CAPS2: variants seen among roughly 807,000 people sequenced by gnomAD.
The protein encoded by CAPS2 is calcyphosine 2.
Under a neutral mutation model 86.5 loss-of-function variants are expected in CAPS2, and 98 were observed. That is an observed-to-expected ratio of 1.13 (90% CI 0.96 to 1.34). The LOEUF (loss-of-function observed/expected upper bound fraction) is 1.34. Ranked by LOEUF, CAPS2 falls within the 40% of genes most tolerant of loss-of-function variation. CAPS2 has a pLI of 0.00. For missense variants in CAPS2, 729 were observed against 686.8 expected, an observed-to-expected ratio of 1.06 and a Z score of -0.69; for synonymous variants, 210 against 225.1, an observed-to-expected ratio of 0.93 and a Z score of 0.60.
chr12:75,370,619 T>C (rs2044300757), intron 1 of CAPS2: 1 of 152,444 alleles, frequency 6.6e-6, no homozygotes, highest in African/African-American at 2.4e-5. Context: ...CCATAATCAA[T>C]GGTTGGGGAA....
intron 4 of CAPS2, among the ~76,000 whole-genome samples, chr12:75,322,008 T>C (rs2040352611): frequency 6.6e-6 from 1 of 152,174 alleles, no homozygotes; most frequent in Non-Finnish European, 1.5e-5. Flanking sequence ...TATCAATATA[T>C]TCTATCTATT....
chr12:75,366,104 C>G (rs976782041), intron 1 of CAPS2, among the ~76,000 whole-genome samples: 1 of 152,040 alleles, frequency 6.6e-6, no homozygotes, highest in Non-Finnish European at 1.5e-5. Flanking sequence ...TTATTTAAGT[C>G]ATGTGAACTT....
intron 7 of CAPS2, among the ~76,000 whole-genome samples, chr12:75,307,750 A>G (rs1287373134): frequency 6.6e-6 from 1 of 152,222 alleles, no homozygotes; most frequent in Non-Finnish European, 1.5e-5. Context: ...GAACAAATTC[A>G]AGAAACACCA....
chr12:75,315,588 C>G (rs901740151), intron 6 of CAPS2, among the ~76,000 whole-genome samples: 1 of 152,142 alleles, frequency 6.6e-6, no homozygotes, highest in African/African-American at 2.4e-5. Context: ...AATTGCCACT[C>G]AATGATAATA....
intron 1 of CAPS2, among the ~76,000 whole-genome samples, chr12:75,341,485 C>T (rs1013431186): frequency 6.6e-6 from 1 of 151,948 alleles, no homozygotes; most frequent in African/African-American, 2.4e-5. Context: ...CTCGCTGTGT[C>T]GCCCAGGCTG....
intron 1 of CAPS2, among the ~76,000 whole-genome samples, chr12:75,343,083 T>A (rs1211213161): frequency 6.6e-6 from 1 of 151,960 alleles, no homozygotes; most frequent in Non-Finnish European, 1.5e-5. Context: ...TAATGATAGA[T>A]CCCAATCCTT....
chr12:75,325,359 C>A, intron 1 of CAPS2, 71 bp from the exon 3 acceptor site: 7 of 1,082,742 alleles, frequency 6.5e-6, no homozygotes, highest in East Asian at 2.7e-5. Flanking sequence ...AAGAGATACA[C>A]AATAAGTCAA....
chr12:75,334,546 A>T (rs1015098071), upstream of CAPS2: 11 of 1,401,562 alleles, frequency 7.8e-6, no homozygotes, highest in South Asian at 1.8e-4. Context: ...TGGAAGGGGA[A>T]CCCTGCTGCC....
intron 16 of CAPS2, among the ~76,000 whole-genome samples, chr12:75,281,094 TG>T (rs2033862668): frequency 1.3e-5 from 2 of 151,880 alleles, no homozygotes; most frequent in South Asian, 4.1e-4. Flanking sequence ...CCATGTAAAA[TG>T]GGTTTTTTTA....
rs758661861 is a variant in CAPS2 at position 75,312,800 on chromosome 12, AATG to A, written c.659+45_659+47del. Reference sequence around the variant, plus strand: ...GAATGTCATGCATGAAAATAAATTTAATGAAAACTTTCTGAATTGATTTCTATT... The same window carrying A: ...GAATGTCATGCATGAAAATAAATTTAAAAACTTTCTGAATTGATTTCTATT... On this transcript the variant is annotated intron_variant, in intron 7 of 16. Coordinates refer to ENST00000393284, the Ensembl canonical transcript of CAPS2. The A allele has an allele frequency of 3.7e-6, 4 of 1,091,066 alleles. No homozygotes were observed. The East Asian group carries it at 9.4e-5, about 26-fold the overall frequency. The allele number at this position is 1,091,066 out of a possible 1,614,324, so 67.6% of individuals were successfully genotyped here. A position where few individuals can be genotyped will look rare whatever the true frequency, so the allele number is the denominator to read the frequency against.
intron 1 of CAPS2, among the ~76,000 whole-genome samples, chr12:75,389,701 A>G (rs1246655635): frequency 6.6e-6 from 1 of 152,140 alleles, no homozygotes; most frequent in Non-Finnish European, 1.5e-5. Flanking sequence ...CTTTGTTTAG[A>G]ATGCTATCTT....
chr12:75,319,231 T>C (rs1345015447), intron 5 of CAPS2, among the ~76,000 whole-genome samples: 2 of 152,158 alleles, frequency 1.3e-5, no homozygotes, highest in Non-Finnish European at 1.5e-5. Context: ...GTTTGGATGT[T>C]TGTCCCCTCT....
At position 75,314,303 on chromosome 12, in the gene CAPS2, T is replaced by C. The variant is rs141711318; in HGVS notation, c.592-1388A>G. 1.5e-3 allele frequency among the ~76,000 whole-genome samples: 234 copies of C among 152,310 alleles called. 2 individuals are homozygous for C. In the East Asian group the frequency reaches 0.041, roughly 26 times the overall value. ...TTTAACGTAGGTTAAATAACACTCT[T>C]ATTTAGCCTATATTATAGGCTACAT... is the stretch of plus-strand genomic sequence containing the variant. On this transcript the variant is annotated intron_variant, in intron 6 of 16. Coordinates refer to ENST00000393284, the Ensembl canonical transcript of CAPS2.
At chr12:75,360,411 A>T (rs773743768) in intron 1 of CAPS2, 1 of 152,234 alleles carries the variant, frequency 6.6e-6, no homozygotes, top group Non-Finnish European at 1.5e-5. Context: ...CTTCCTAGAT[A>T]CAATGGGGAT....
chr12:75,327,143 T>C (rs529174272), upstream of CAPS2, among the ~76,000 whole-genome samples: 3 of 152,198 alleles, frequency 2.0e-5, no homozygotes, highest in South Asian at 2.1e-4. Flanking sequence ...TTTAAACCAC[T>C]AAGTTTAAAT....
rs538163349 is a variant in CAPS2, at chr12:75,321,731, A to G, written c.292-155T>C. Among the ~76,000 whole-genome samples, 4 of 152,284 alleles carry G rather than the reference A, an allele frequency of 2.6e-5. No individual in the cohort carries two copies. The East Asian group carries it at 7.7e-4, about 29-fold the overall frequency. ...GCAGAGATGGTATTTAAGACATTCA[A>G]CTGGTACAGACAGCATCACTGACCA... On this transcript the variant is annotated intron_variant, in intron 4 of 16. Transcript: ENST00000393284.
At chr12:75,300,231 C>G (rs1361418203) in intron 8 of CAPS2, among the ~76,000 whole-genome samples, 1 of 152,048 alleles carries the variant, frequency 6.6e-6, no homozygotes, top group Non-Finnish European at 1.5e-5. Context: ...ATTTCTAACC[C>G]TCTTCTTCTT....
upstream of CAPS2, among the ~76,000 whole-genome samples, chr12:75,330,342 C>A (rs111320330): frequency 4.6e-5 from 7 of 152,364 alleles, no homozygotes; most frequent in African/African-American, 9.6e-5. Context: ...CGCCCCTAAA[C>A]CCCGGCGAGG....
intron 11 of CAPS2, among the ~76,000 whole-genome samples, chr12:75,294,458 G>C (rs553431749): frequency 3.9e-5 from 6 of 152,200 alleles, no homozygotes; most frequent in East Asian, 1.9e-4. Context: ...CTCAAGGACC[G>C]GTGAGCCACT....
Sources: gnomAD v4.1 joint callset for allele counts (sites outside exome capture counted in the v4.1 genomes callset) on GRCh38, gnomAD v4.1.1 for gene constraint, MANE v1.5 for transcripts, NCBI Gene and HGNC (gene_info 2026-07-23, HGNC 2026-07-21) for gene names.